Variants in SMARCAL1 observed in about 807,000 individuals in gnomAD.
The protein encoded by SMARCAL1 is SNF2 related chromatin remodeling annealing helicase 1.
SMARCAL1 carries 58 observed loss-of-function variants against 94.5 expected under a neutral mutation model. That is an observed-to-expected ratio of 0.61 (90% CI 0.50 to 0.76). The LOEUF (loss-of-function observed/expected upper bound fraction) is 0.76, where lower values mean the gene tolerates loss of function less well. Among genes scored for constraint, SMARCAL1 ranks in the 30% least tolerant of loss-of-function variants. The pLI is 0.00. For synonymous variants in SMARCAL1, 422 were observed against 455.1 expected, an observed-to-expected ratio of 0.93 and a Z score of 0.93; for missense variants, 1,051 against 1,177.9, an observed-to-expected ratio of 0.89 and a Z score of 1.58.
rs769937928 is a variant in SMARCAL1 at position 216,435,509 on chromosome 2, G to A, written c.1644+13G>A. 4 of 1,612,560 alleles carry A rather than the reference G, an allele frequency of 2.5e-6. No homozygotes were observed. The highest frequency in any genetic ancestry group is 3.4e-6 in the Non-Finnish European group (4 of 1,178,630). On this transcript the variant is annotated intron_variant, in intron 9 of 17. Transcript: ENST00000357276. ...AGTTGTCATCATTGTAAGAAACTTG[G>A]CAAAGTCTTTAAGTACTTTATCTCT...
Position 216,428,716 on chromosome 2 carries a change from C to T in SMARCAL1, c.1268C>T (p.Ala423Val). Reference sequence around the variant, plus strand: ...AGTCTCACGCCAGATGTCCCAGAGGCAGACCTTTCTGAAGTGGACCCCAAG... The same window carrying T: ...AGTCTCACGCCAGATGTCCCAGAGGTAGACCTTTCTGAAGTGGACCCCAAG... ...SLSLTPDVPE[A>V]DLSEVDPKLV... The change falls in exon 7 of 18, where the codon GCA becomes GTA. Residue 423 changes from alanine to valine, a missense_variant. Physicochemically the swap from Ala to Val is moderately conservative, Grantham distance 64. Around this residue, in one of 3 missense-constraint regions of SMARCAL1, gnomAD observed 642 missense variants for 754.7 expected, o/e 0.85. Transcript: ENST00000357276. 1.2e-6 allele frequency: 2 copies of T among 1,614,242 alleles called. No homozygotes were observed. Among genetic ancestry groups the T allele is most frequent in the Non-Finnish European group, 1.7e-6 (2 of 1,180,036 alleles).
At chr2:216,446,608 GT>G in intron 10 of SMARCAL1, 1 of 450,906 alleles carries the variant, frequency 2.2e-6, no homozygotes, top group South Asian at 1.6e-5. Flanking sequence ...GATTCTTTGA[GT>G]TTACTCTGTG....
intron 2 of SMARCAL1, 32 bp from the exon 3 acceptor site, chr2:216,414,615 G>A (rs1693543870): frequency 8.9e-7 from 1 of 1,120,816 alleles, no homozygotes; most frequent in African/African-American, 1.5e-5. Context: ...TACATGTAAT[G>A]TTCATTTCAT....
chr2:216,441,851 G>A lies in SMARCAL1; in HGVS notation c.1710+3366G>A, dbSNP rs982349564. Among the ~76,000 whole-genome samples the A allele has an allele frequency of 2.6e-5, 4 of 152,272 alleles. No individual in the cohort carries two copies. The East Asian group carries it at 7.7e-4, about 29-fold the overall frequency. On this transcript the variant is annotated intron_variant, in intron 10 of 17. Coordinates refer to ENST00000357276, the MANE Select transcript of SMARCAL1 (RefSeq NM_014140.4). ...TACTGGCACTCTTTTAAACAGTGAG[G>A]TGTGTGTTTGGGGTTTTTTGGTTTA...
chr2:216,437,315 C>A (rs1209436710), intron 9 of SMARCAL1, among the ~76,000 whole-genome samples: 1 of 152,196 alleles, frequency 6.6e-6, no homozygotes, highest in Non-Finnish European at 1.5e-5. Context: ...CTCCAGCTTT[C>A]TGGACAGGAT....
At position 216,447,109 on chromosome 2, in the gene SMARCAL1, T is replaced by C. The variant is rs996241533; in HGVS notation, c.1802T>C (p.Phe601Ser). The change falls in exon 11 of 18, where the codon TTC (phenylalanine) becomes TCC (serine). Residue 601 changes from phenylalanine to serine, a missense_variant. Coordinates refer to ENST00000357276, the MANE Select transcript of SMARCAL1 (RefSeq NM_014140.4). ...CAGATCATCGCAGTCAAGCCAACTT[T>C]CTTCCCCCAGTTTCATGCCTTTGGA... The part of the protein sequence containing the change: ...YTQIIAVKPT[F>S]FPQFHAFGLR... 1 of 1,614,076 alleles carries C rather than the reference T, an allele frequency of 6.2e-7. No individual in the cohort carries two copies.
chr2:216,460,945 A>G (rs887751672), intron 12 of SMARCAL1, among the ~76,000 whole-genome samples: 58 of 152,320 alleles, frequency 3.8e-4, no homozygotes, highest in African/African-American at 1.4e-3. Flanking sequence ...ACATAGTCTC[A>G]GTAGTAGATG....
rs1327289196 is a variant in SMARCAL1 at position 216,475,014 on chromosome 2, CTA to C, written c.2245-252_2245-251del. 6.6e-6 allele frequency among the ~76,000 whole-genome samples: 1 copy of C among 152,186 alleles called. No homozygotes were observed. The highest frequency in any genetic ancestry group is 2.4e-5 in the African/African-American group (1 of 41,452). ...TCAGCATCCTGGCTGTGGTATTATA[CTA>C]TAGTTTTTATAGAATGTTACCACTG... On this transcript the variant is annotated intron_variant, in intron 14 of 17. Transcript: ENST00000357276. The surrounding 1 kb of genome is among the most constrained non-coding windows in gnomAD (Gnocchi z 4.4).
intron 13 of SMARCAL1, among the ~76,000 whole-genome samples, chr2:216,467,334 T>G (rs284532): frequency 0.57 from 86,150 of 151,638 alleles, 24,761 homozygotes; most frequent in African/African-American, 0.64. Flanking sequence ...AGCTGGGCGT[T>G]GTGGTACACA....
At chr2:216,457,586 T>G (rs1453141568) in intron 12 of SMARCAL1, among the ~76,000 whole-genome samples, 2 of 152,210 alleles carry the variant, frequency 1.3e-5, no homozygotes. Context: ...CCTGAATGAC[T>G]ACTGGGTACA....
intron 12 of SMARCAL1, among the ~76,000 whole-genome samples, chr2:216,454,501 C>T (rs992947888): frequency 2.6e-5 from 4 of 152,116 alleles, no homozygotes; most frequent in Non-Finnish European, 4.4e-5. Context: ...CTGGTTCTAC[C>T]GTTTAGTAGC....
At chr2:216,422,878 CTTAG>C (rs2106023102) in intron 5 of SMARCAL1, among the ~76,000 whole-genome samples, 1 of 152,302 alleles carries the variant, frequency 6.6e-6, no homozygotes, top group Non-Finnish European at 1.5e-5. Context: ...GCTCACCTTT[CTTAG>C]TTGATATTGT....
At chr2:216,473,887 C>T (rs1479069746) in intron 14 of SMARCAL1, among the ~76,000 whole-genome samples, 1 of 152,098 alleles carries the variant, frequency 6.6e-6, no homozygotes, top group East Asian at 1.9e-4. Context: ...AAAACTTGTA[C>T]ACACATGTTC....
chr2:216,432,591 TG>T, intron 7 of SMARCAL1, 126 bp from the exon 8 acceptor site: 1 of 1,066,034 alleles, frequency 9.4e-7, no homozygotes, highest in Non-Finnish European at 1.4e-6. Flanking sequence ...GGAGCAAGTC[TG>T]GTGGTGGGCT....
At chr2:216,457,150 A>G (rs1394751028) in intron 12 of SMARCAL1, among the ~76,000 whole-genome samples, 1 of 152,224 alleles carries the variant, frequency 6.6e-6, no homozygotes, top group Non-Finnish European at 1.5e-5. Flanking sequence ...TATCCTAAAT[A>G]TATATGCACC....
At chr2:216,415,617 C>T (rs1030148357) in intron 3 of SMARCAL1, 102 bp downstream of exon 3, 2 of 1,068,370 alleles carry the variant, frequency 1.9e-6, no homozygotes, top group Non-Finnish European at 2.8e-6. Context: ...TGCATTGGCA[C>T]ATGCTGTCCA....
chr2:216,467,458 G>A (rs953407717), intron 13 of SMARCAL1, among the ~76,000 whole-genome samples: 18 of 114,320 alleles, frequency 1.6e-4, no homozygotes, highest in African/African-American at 5.6e-4. Context: ...GCGACAGAGC[G>A]AAACTCAGTC....
chr2:216,445,512 T>TGGA (rs1694291247), intron 10 of SMARCAL1, among the ~76,000 whole-genome samples: 1 of 152,208 alleles, frequency 6.6e-6, no homozygotes, highest in East Asian at 1.9e-4. Context: ...ATTCATGAAC[T>TGGA]GTTTTTGCCC....
intron 9 of SMARCAL1, 35 bp downstream of exon 9, chr2:216,435,531 C>A (rs771942068): frequency 3.8e-6 from 6 of 1,584,810 alleles, no homozygotes; most frequent in Non-Finnish European, 5.2e-6. Flanking sequence ...AGTACTTTAT[C>A]TCTCTGGAAA....
Sources: gnomAD v4.1 joint callset for allele counts (sites outside exome capture counted in the v4.1 genomes callset) on GRCh38, gnomAD v4.1.1 for gene constraint, gnomAD v4.1.1 regional missense constraint, Gnocchi (gnomAD v3.1) non-coding constraint, MANE v1.5 for transcripts, NCBI Gene and HGNC (gene_info 2026-07-23, HGNC 2026-07-21) for gene names.